CADPS: variants seen among roughly 807,000 people sequenced by gnomAD.
The protein encoded by CADPS is calcium-dependent secretion activator 1.
A neutral mutation model predicts 167.3 loss-of-function variants in CADPS; 57 were observed. The ratio of observed to expected loss-of-function variants is 0.34; its 90% confidence interval spans 0.28 to 0.42. The LOEUF (loss-of-function observed/expected upper bound fraction) is 0.42. Among genes scored for constraint, CADPS ranks in the 20% least tolerant of loss-of-function variants. CADPS has a pLI of 1.00. For synonymous variants in CADPS, 676 were observed against 635.3 expected (o/e 1.06, Z -0.96); for missense variants, 1,414 against 1,738.1 (o/e 0.81, Z 3.32).
At chr3:62,706,981 C>G (rs1012335148) in intron 3 of CADPS, among the ~76,000 whole-genome samples, 4 of 152,094 alleles carry the variant, frequency 2.6e-5, no homozygotes, top group African/African-American at 4.8e-5. Context: ...CATTTCTACC[C>G]CTTACATTTA....
chr3:62,562,640 T>A (rs2152388999), intron 9 of CADPS, among the ~76,000 whole-genome samples: 1 of 152,292 alleles, frequency 6.6e-6, no homozygotes, highest in East Asian at 1.9e-4. Flanking sequence ...TGGCCTTCTG[T>A]GGGGGCATTT....
chr3:62,459,420 A>C (rs2059074288), intron 26 of CADPS, among the ~76,000 whole-genome samples: 1 of 152,124 alleles, frequency 6.6e-6, no homozygotes, highest in African/African-American at 2.4e-5. Context: ...ATTGCTCTTT[A>C]ACTCCATGCC....
chr3:62,476,100 A>G (rs935097426), intron 23 of CADPS, among the ~76,000 whole-genome samples: 2 of 152,232 alleles, frequency 1.3e-5, no homozygotes, highest in Non-Finnish European at 2.9e-5. Context: ...GTAACCTGAT[A>G]TAGACTAGAC....
At chr3:62,696,162 C>T (rs756897875) in intron 3 of CADPS, among the ~76,000 whole-genome samples, 1 of 152,012 alleles carries the variant, frequency 6.6e-6, no homozygotes, top group East Asian at 1.9e-4. Context: ...CTGTATTTGG[C>T]TGGGTGACAT....
intron 1 of CADPS, among the ~76,000 whole-genome samples, chr3:62,824,310 A>G (rs377239359): frequency 1.3e-5 from 2 of 152,232 alleles, no homozygotes; most frequent in East Asian, 3.9e-4. Context: ...AGTTATCATC[A>G]GCTAAAAAAT....
chr3:62,508,178 G>A (rs115807938), intron 17 of CADPS, among the ~76,000 whole-genome samples: 2 of 152,162 alleles, frequency 1.3e-5, no homozygotes, highest in Admixed American at 1.3e-4. Flanking sequence ...ATGGATTGTG[G>A]ATAGGGCCGT....
intron 3 of CADPS, among the ~76,000 whole-genome samples, chr3:62,748,164 A>G (rs1475067309): frequency 1.2e-5 from 1 of 85,784 alleles, no homozygotes; most frequent in Non-Finnish European, 2.3e-5. Flanking sequence ...CTCTACTAAA[A>G]TTACAAAAAA....
chr3:62,780,235 G>C (rs986450036), intron 1 of CADPS, among the ~76,000 whole-genome samples: 1 of 151,982 alleles, frequency 6.6e-6, no homozygotes, highest in East Asian at 1.9e-4. Flanking sequence ...GGGCAACATA[G>C]CAAGATCCCA....
intron 3 of CADPS, among the ~76,000 whole-genome samples, chr3:62,720,496 C>G: frequency 6.6e-6 from 1 of 152,072 alleles, no homozygotes; most frequent in East Asian, 1.9e-4. Context: ...CCACACTCAG[C>G]TAATTTTTAG....
At chr3:62,757,104 G>C (rs1002068455) in intron 2 of CADPS, among the ~76,000 whole-genome samples, 6 of 152,194 alleles carry the variant, frequency 3.9e-5, no homozygotes, top group African/African-American at 1.4e-4. Flanking sequence ...GACCGGGTGA[G>C]TGTGATGGCA....
At chr3:62,702,248 C>T (rs1237981893) in intron 3 of CADPS, among the ~76,000 whole-genome samples, 3 of 152,144 alleles carry the variant, frequency 2.0e-5, no homozygotes, top group Non-Finnish European at 4.4e-5. Flanking sequence ...GATACTTTTG[C>T]TTTACAGATT....
chr3:62,568,449 T>C (rs1010744504), intron 9 of CADPS, among the ~76,000 whole-genome samples: 1 of 152,202 alleles, frequency 6.6e-6, no homozygotes, highest in Non-Finnish European at 1.5e-5. Context: ...TCGTCTTTCT[T>C]CCCTGCTACA....
chr3:62,853,505 A>G (rs1481073778), intron 1 of CADPS, among the ~76,000 whole-genome samples: 2 of 151,798 alleles, frequency 1.3e-5, no homozygotes, highest in East Asian at 3.9e-4. Flanking sequence ...GGTGCCTGTA[A>G]TCCCAGCTAC....
In CADPS at chr3:62,875,113, C is replaced by T. The variant is rs2083434144; in HGVS notation, c.-84G>A. The T allele has an allele frequency of 7.2e-7, 1 of 1,387,844 alleles. No homozygotes were observed. Among genetic ancestry groups the T allele is most frequent in the African/African-American group, 1.5e-5 (1 of 65,808 alleles). 86.0% of individuals were successfully genotyped at this position (1,387,844 alleles called of 1,614,324 possible). A position where few individuals can be genotyped will look rare whatever the true frequency, so the allele number is the denominator to read the frequency against. On this transcript the variant is annotated 5_prime_UTR_variant, in exon 1 of 30. Coordinates refer to ENST00000383710, the MANE Select transcript of CADPS (RefSeq NM_003716.4). ...GGCGCTGGAGGCAGCCGGGGATCAG[C>T]TCTCCCGGGTGGGCGCTTCTCCCCA...
At chr3:62,766,021 T>C (rs764615411) in intron 1 of CADPS, 37 bp from the exon 2 acceptor site, 1 of 1,439,912 alleles carries the variant, frequency 6.9e-7, no homozygotes. Flanking sequence ...TGTGAGAACT[T>C]GTCCTAGACA....
chr3:62,651,713 T>G (rs1024001283), intron 4 of CADPS, among the ~76,000 whole-genome samples: 10 of 152,224 alleles, frequency 6.6e-5, no homozygotes, highest in Admixed American at 1.3e-4. Flanking sequence ...CTTATACATT[T>G]AGTTGTAATT....
chr3:62,483,852 A>T (rs1464456892), intron 21 of CADPS, among the ~76,000 whole-genome samples: 2 of 152,224 alleles, frequency 1.3e-5, no homozygotes, highest in East Asian at 3.9e-4. Context: ...TGATCATTAA[A>T]TGATACACAC....
intron 1 of CADPS, among the ~76,000 whole-genome samples, chr3:62,784,698 C>T (rs1255312638): frequency 6.8e-6 from 1 of 147,152 alleles, no homozygotes; most frequent in Non-Finnish European, 1.5e-5. Context: ...GCAAAATCCA[C>T]ATTGTGGGAA....
chr3:62,481,600 A>G, intron 22 of CADPS, 123 bp downstream of exon 22: 1 of 902,088 alleles, frequency 1.1e-6, no homozygotes, highest in Admixed American at 3.1e-5. Flanking sequence ...CTGTATGATC[A>G]GCAAAATATG....
Sources: gnomAD v4.1 joint callset for allele counts (sites outside exome capture counted in the v4.1 genomes callset) on GRCh38, gnomAD v4.1.1 for gene constraint, MANE v1.5 for transcripts, NCBI Gene and HGNC (gene_info 2026-07-23, HGNC 2026-07-21) for gene names.